AKAP12: variants seen among roughly 807,000 people sequenced by gnomAD.
The protein encoded by AKAP12 is A-kinase anchor protein 12.
Under a neutral mutation model 79.9 loss-of-function variants are expected in AKAP12, and 32 were observed. The observed-to-expected ratio is 0.40, with a 90% CI of 0.30 to 0.54. AKAP12 has a LOEUF of 0.54. AKAP12 is among the 20% of genes least tolerant of loss of function. The pLI, the probability that AKAP12 is intolerant of heterozygous loss-of-function variation, is 0.48. For missense variants in AKAP12, 2,074 were observed against 2,177.0 expected, an observed-to-expected ratio of 0.95 and a Z score of 0.94; for synonymous variants, 808 against 857.0, an observed-to-expected ratio of 0.94 and a Z score of 1.00.
At chr6:151,309,868 C>T (rs958246527) in intron 3 of AKAP12, among the ~76,000 whole-genome samples, 2 of 152,044 alleles carry the variant, frequency 1.3e-5, no homozygotes, top group South Asian at 4.1e-4. Context: ...ACTGGGCTTC[C>T]TCTCCCTAAC....
intron 3 of AKAP12, among the ~76,000 whole-genome samples, chr6:151,340,618 T>G (rs899259081): frequency 1.9e-5 from 1 of 53,696 alleles, no homozygotes; most frequent in Admixed American, 1.4e-4. Flanking sequence ...GGAACTTGAC[T>G]GATAGCCTCA....
At chr6:151,337,520 A>G (rs113337958) in intron 3 of AKAP12, among the ~76,000 whole-genome samples, 3,697 of 107,040 alleles carry the variant, frequency 0.035, 69 homozygotes, top group Non-Finnish European at 0.051. Context: ...TCGAAAAAAA[A>G]AAAAAAAGAA....
chr6:151,341,750 G>C, intron 3 of AKAP12: 1 of 1,282,930 alleles, frequency 7.8e-7, no homozygotes, highest in South Asian at 1.2e-5. Flanking sequence ...GGAATCCCGA[G>C]GGCCACCAAC....
intron 2 of AKAP12, among the ~76,000 whole-genome samples, chr6:151,293,117 T>C (rs1776654580): frequency 6.6e-6 from 1 of 152,248 alleles, no homozygotes; most frequent in South Asian, 2.1e-4. Context: ...AGCCTTTCTG[T>C]GGCACACAGT....
At chr6:151,249,753 T>C (rs370595379) in intron 2 of AKAP12, among the ~76,000 whole-genome samples, 1 of 152,252 alleles carries the variant, frequency 6.6e-6, no homozygotes, top group East Asian at 1.9e-4. Context: ...CCTTTTACTT[T>C]TAAATTTTTT....
chr6:151,283,415 T>A (rs765442687), intron 2 of AKAP12, among the ~76,000 whole-genome samples: 2 of 152,160 alleles, frequency 1.3e-5, no homozygotes, highest in Non-Finnish European at 2.9e-5. Flanking sequence ...ATTCTTTGCC[T>A]GAAAAAGAGT....
intron 2 of AKAP12, among the ~76,000 whole-genome samples, chr6:151,255,172 G>GTTT (rs66882507): frequency 1.1e-4 from 17 of 149,144 alleles, no homozygotes; most frequent in East Asian, 5.9e-4. Flanking sequence ...AAATGTTTTT[G>GTTT]TTTTTTTTTT....
intron 2 of AKAP12, among the ~76,000 whole-genome samples, chr6:151,259,144 A>C (rs1450673284): frequency 6.6e-6 from 1 of 151,500 alleles, no homozygotes; most frequent in Non-Finnish European, 1.5e-5. Flanking sequence ...TCCTGGGTTC[A>C]AGCAATTCTT....
chr6:151,306,901 G>C (rs1414537759), intron 3 of AKAP12, among the ~76,000 whole-genome samples: 1 of 152,210 alleles, frequency 6.6e-6, no homozygotes, highest in Non-Finnish European at 1.5e-5. Context: ...GATTGGAATG[G>C]ACCCAACTCA....
intron 2 of AKAP12, among the ~76,000 whole-genome samples, chr6:151,270,283 C>T (rs2346896): frequency 0.13 from 19,424 of 152,250 alleles, 1,810 homozygotes; most frequent in Admixed American, 0.3. Context: ...GTCTTGAACT[C>T]GCAACCTCAG....
chr6:151,268,291 C>T (rs763989712), intron 2 of AKAP12, among the ~76,000 whole-genome samples: 3 of 152,070 alleles, frequency 2.0e-5, no homozygotes, highest in Non-Finnish European at 2.9e-5. Context: ...GTGGCACGTG[C>T]CTGTAATCCC....
At chr6:151,254,475 G>A (rs530140491) in intron 2 of AKAP12, among the ~76,000 whole-genome samples, 2 of 151,996 alleles carry the variant, frequency 1.3e-5, no homozygotes, top group South Asian at 2.1e-4. Context: ...CCTCAGTCTT[G>A]CAAGTAGCTG....
intron 2 of AKAP12, among the ~76,000 whole-genome samples, chr6:151,279,515 A>G (rs1776354879): frequency 6.6e-6 from 1 of 152,154 alleles, no homozygotes; most frequent in Non-Finnish European, 1.5e-5. Context: ...TTTAATATGT[A>G]TGCAAGAAGA....
chr6:151,300,841 G>A (rs1253559941), intron 2 of AKAP12, among the ~76,000 whole-genome samples: 1 of 152,112 alleles, frequency 6.6e-6, no homozygotes, highest in Non-Finnish European at 1.5e-5. Flanking sequence ...TTTGTTCAAA[G>A]GAGGCATTTG....
intron 3 of AKAP12, among the ~76,000 whole-genome samples, chr6:151,306,783 C>A (rs914518299): frequency 2.6e-5 from 4 of 152,180 alleles, no homozygotes; most frequent in Admixed American, 6.5e-5. Flanking sequence ...GAATACTTAT[C>A]TGTATATAGC....
Position 151,350,465 on chromosome 6 carries a change from G to A in AKAP12, c.2074G>A (p.Ala692Thr), listed in dbSNP as rs368996954. The A allele has an allele frequency of 2.2e-5, 35 of 1,614,012 alleles. No homozygotes were observed. Among genetic ancestry groups the A allele is most frequent in the Middle Eastern group, 3.3e-4 (2 of 6,082 alleles). The change falls in exon 4 of 5, where the codon GCA becomes ACA. Residue 692 changes from alanine to threonine, a missense_variant. By Grantham distance (58) the Ala-to-Thr change is moderately conservative (BLOSUM62 0). Transcript: ENST00000402676. This position sits in a 1 kb window ranked among gnomAD's most constrained non-coding sequence, Gnocchi z 4.8. ...LICVGSSKKRARRGSSSDEEG... is the reference protein window; with the variant it reads ...LICVGSSKKRTRRGSSSDEEG... The stretch of plus-strand genomic sequence containing the variant: ...TTGTGTGGGATCATCCAAGAAAAGA[G>A]CAAGGAGAGGGTCCTCTTCTGATGA...
In AKAP12 at chr6:151,342,377, T is replaced by C. The variant is rs1291141326; in HGVS notation, c.320-6334T>C. Among the ~76,000 whole-genome samples, 6 of 152,298 alleles carry C rather than the reference T, an allele frequency of 3.9e-5. No homozygotes were observed. In the South Asian group the frequency reaches 8.3e-4, roughly 21 times the overall value. On this transcript the variant is annotated intron_variant, in intron 3 of 4. Coordinates refer to ENST00000402676, the MANE Select transcript of AKAP12 (RefSeq NM_005100.4). ...GATCTCAACAGCGCGGGTACAGATA[T>C]AGGTACCTGCCAGACTAGGTAGGTT... is the stretch of plus-strand genomic sequence containing the variant.
At position 151,240,898 on chromosome 6, in the gene AKAP12, G is replaced by C. The variant is rs180883462; in HGVS notation, c.162+174G>C. 1.3e-3 allele frequency among the ~76,000 whole-genome samples: 197 copies of C among 152,334 alleles called. 3 individuals carry two copies. The highest frequency in any genetic ancestry group is 7.0e-3 in the East Asian group (36 of 5,162). On this transcript the variant is annotated intron_variant, in intron 2 of 4. Coordinates refer to ENST00000402676, the MANE Select transcript of AKAP12 (RefSeq NM_005100.4). ...AGGCTTTTCAGGGTCTTTCGCGCCG[G>C]GGCGGGGCCAGAGCAGCGGCGAGCG...
chr6:151,350,185 C>T lies in AKAP12; in HGVS notation c.1794C>T (p.Ser598=), dbSNP rs779577166. 60 of 1,613,302 alleles carry T rather than the reference C, an allele frequency of 3.7e-5. 1 individual carries two copies. In the South Asian group the frequency reaches 5.6e-4, roughly 15 times the overall value. ...QDGEAEEGAT[S]DGEKKREGVT... is the part of the protein sequence containing the mutation. ...GGGAAGCTGAAGAAGGAGCTACTTC[C>T]GATGGAGAGAAAAAAAGAGAAGGTG... The change falls in exon 4 of 5, where the codon TCC becomes TCT. Residue 598 remains serine (S), a synonymous_variant. Coordinates refer to ENST00000402676, the MANE Select transcript of AKAP12 (RefSeq NM_005100.4). This position sits in a 1 kb window ranked among gnomAD's most constrained non-coding sequence, Gnocchi z 4.8.
Sources: allele counts gnomAD v4.1 joint callset (sites outside exome capture counted in the v4.1 genomes callset), GRCh38; gene constraint gnomAD v4.1.1; non-coding constraint Gnocchi (gnomAD v3.1); transcripts MANE v1.5; gene names NCBI Gene and HGNC (gene_info 2026-07-23, HGNC 2026-07-21).